KIAA1549L: variants seen among roughly 807,000 people sequenced by gnomAD.
KIAA1549L encodes UPF0606 protein KIAA1549L.
A neutral mutation model predicts 160.7 loss-of-function variants in KIAA1549L; 88 were observed. The ratio of observed to expected loss-of-function variants is 0.55; its 90% CI spans 0.46 to 0.65. The LOEUF is 0.65. Among genes scored for constraint, KIAA1549L ranks in the 30% least tolerant of loss-of-function variants. The pLI, the probability that KIAA1549L is intolerant of heterozygous loss-of-function variation, is 0.00. For missense variants in KIAA1549L, 2,258 were observed against 2,437.5 expected (o/e 0.93, Z 1.55); for synonymous variants, 950 against 976.7 (o/e 0.97, Z 0.51).
intron 16 of KIAA1549L, among the ~76,000 whole-genome samples, chr11:33,628,089 G>A (rs1318054576): frequency 6.6e-6 from 1 of 152,022 alleles, no homozygotes; most frequent in African/African-American, 2.4e-5. Flanking sequence ...ATGTAGTTGA[G>A]TGGTTTTGAG....
intron 6 of KIAA1549L, among the ~76,000 whole-genome samples, chr11:33,552,830 A>C (rs904854170): frequency 5.3e-5 from 8 of 152,250 alleles, no homozygotes; most frequent in African/African-American, 1.9e-4. Context: ...AGAAGAGAGA[A>C]CTGAGAGGCT....
intron 1 of KIAA1549L, among the ~76,000 whole-genome samples, chr11:33,383,647 C>G (rs972771259): frequency 6.6e-6 from 1 of 152,138 alleles, no homozygotes; most frequent in Non-Finnish European, 1.5e-5. Context: ...TCAGGCAGCC[C>G]GTGGTCCAGG....
intron 1 of KIAA1549L, among the ~76,000 whole-genome samples, chr11:33,425,506 G>A (rs986392972): frequency 4.6e-5 from 7 of 152,308 alleles, no homozygotes; most frequent in South Asian, 4.1e-4. Context: ...GTGATTTGTT[G>A]TGGCATTTCC....
chr11:33,622,550 G>C (rs1424854256), intron 16 of KIAA1549L, among the ~76,000 whole-genome samples: 4 of 152,216 alleles, frequency 2.6e-5, no homozygotes, highest in African/African-American at 9.6e-5. Context: ...GCAGCAGAAA[G>C]ATGGGCCTGC....
At chr11:33,426,810 C>G (rs1367011314) in intron 1 of KIAA1549L, among the ~76,000 whole-genome samples, 1 of 152,160 alleles carries the variant, frequency 6.6e-6, no homozygotes, top group Non-Finnish European at 1.5e-5. Flanking sequence ...GATCTTTTCT[C>G]CTTTGCCCTT....
chr11:33,604,397 A>C (rs1850444249), intron 13 of KIAA1549L, among the ~76,000 whole-genome samples: 1 of 152,234 alleles, frequency 6.6e-6, no homozygotes, highest in Non-Finnish European at 1.5e-5. Flanking sequence ...CAGTACAGAG[A>C]TTCCTTAAAG....
At chr11:33,509,504 G>A (rs1441666400) in intron 1 of KIAA1549L, among the ~76,000 whole-genome samples, 3 of 152,162 alleles carry the variant, frequency 2.0e-5, no homozygotes, top group Non-Finnish European at 4.4e-5. Flanking sequence ...GCAGCAGAAA[G>A]GACCCACTCG....
chr11:33,531,362 C>A (rs894609378), intron 1 of KIAA1549L, among the ~76,000 whole-genome samples: 24 of 152,248 alleles, frequency 1.6e-4, no homozygotes, highest in African/African-American at 5.8e-4. Context: ...GTAGTCCCAG[C>A]TACTTGGGAG....
At chr11:33,444,651 TTGAAA>T (rs754948971) in intron 1 of KIAA1549L, among the ~76,000 whole-genome samples, 7 of 152,350 alleles carry the variant, frequency 4.6e-5, no homozygotes, top group Non-Finnish European at 7.3e-5. Context: ...TTAGCAGCTA[TTGAAA>T]TGAAATGAAA....
At chr11:33,453,493 G>T (rs1851762766) in intron 1 of KIAA1549L, among the ~76,000 whole-genome samples, 1 of 152,198 alleles carries the variant, frequency 6.6e-6, no homozygotes, top group Non-Finnish European at 1.5e-5. Context: ...CCAGAGGTGT[G>T]ATTGTTGTCT....
At chr11:33,425,914 A>G (rs1488362506) in intron 1 of KIAA1549L, among the ~76,000 whole-genome samples, 1 of 152,224 alleles carries the variant, frequency 6.6e-6, no homozygotes, top group Non-Finnish European at 1.5e-5. Context: ...AACACCAGAC[A>G]AACCCAAATT....
chr11:33,537,892 T>C (rs375925201), intron 1 of KIAA1549L, among the ~76,000 whole-genome samples: 1 of 152,250 alleles, frequency 6.6e-6, no homozygotes, highest in East Asian at 1.9e-4. Context: ...ATATTTATCT[T>C]TATATATGAG....
chr11:33,640,376 C>G (rs77248532), intron 16 of KIAA1549L, among the ~76,000 whole-genome samples: 4 of 152,210 alleles, frequency 2.6e-5, no homozygotes, highest in Non-Finnish European at 4.4e-5. Context: ...ACATGCCACA[C>G]CTGCTTCTGC....
chr11:33,386,478 C>A (rs184318403), intron 1 of KIAA1549L, among the ~76,000 whole-genome samples: 1 of 151,858 alleles, frequency 6.6e-6, no homozygotes, highest in East Asian at 1.9e-4. Flanking sequence ...GTCAGAAGTT[C>A]GAAACCAGCC....
intron 1 of KIAA1549L, among the ~76,000 whole-genome samples, chr11:33,477,135 C>G (rs1314191600): frequency 1.3e-5 from 2 of 152,066 alleles, no homozygotes; most frequent in African/African-American, 2.4e-5. Context: ...GGTTGTTATT[C>G]AGTAGTAGCA....
At chr11:33,404,555 C>G (rs1223275898) in intron 1 of KIAA1549L, among the ~76,000 whole-genome samples, 2 of 151,136 alleles carry the variant, frequency 1.3e-5, no homozygotes. Context: ...AAAACAAAAA[C>G]CTTTCATTTA....
At chr11:33,559,134 G>A (rs1023707822) in intron 6 of KIAA1549L, among the ~76,000 whole-genome samples, 5 of 151,978 alleles carry the variant, frequency 3.3e-5, no homozygotes, top group African/African-American at 1.2e-4. Context: ...CACCGTGCCC[G>A]GCCTCTGAAT....
chr11:33,403,261 A>ACACG (rs1850545595), intron 1 of KIAA1549L: 1 of 146,564 alleles, frequency 6.8e-6, no homozygotes. Flanking sequence ...ACACACACAG[A>ACACG]CACAGACACA....
chr11:33,448,458 T>C (rs961835206), intron 1 of KIAA1549L, among the ~76,000 whole-genome samples: 2 of 152,146 alleles, frequency 1.3e-5, no homozygotes, highest in African/African-American at 4.8e-5. Context: ...TGAGATGTGG[T>C]TTTTGGCATC....
Sources: gnomAD v4.1 joint callset for allele counts (sites outside exome capture counted in the v4.1 genomes callset) on GRCh38, gnomAD v4.1.1 for gene constraint, MANE v1.5 for transcripts, NCBI Gene and HGNC (gene_info 2026-07-23, HGNC 2026-07-21) for gene names.